The following GCFC2 variants were observed in gnomAD, a reference collection of about 807,000 sequenced individuals.
GCFC2 encodes the protein GC-rich sequence DNA-binding factor 2.
Under a neutral mutation model 99.4 loss-of-function variants are expected in GCFC2, and 102 were observed. That is an observed-to-expected ratio of 1.03 (90% confidence interval 0.87 to 1.21). The LOEUF (loss-of-function observed/expected upper bound fraction) is 1.21. Among genes scored for constraint, GCFC2 ranks in the 50% most tolerant of loss-of-function variants. The probability of loss-of-function intolerance (pLI) is 0.00; values close to 1 mark genes in which losing one functional copy is unlikely to be tolerated. For synonymous variants in GCFC2, 338 were observed against 316.8 expected, an observed-to-expected ratio of 1.07 and a Z score of -0.71; for missense variants, 973 against 920.9, an observed-to-expected ratio of 1.06 and a Z score of -0.73.
intron 2 of GCFC2, among the ~76,000 whole-genome samples, chr2:75,704,385 G>A (rs200952805): frequency 5.3e-5 from 8 of 151,982 alleles, no homozygotes; most frequent in African/African-American, 9.6e-5. Context: ...TCTTTTCTTC[G>A]CCAGCCAATA....
At position 75,694,412 on chromosome 2, in the gene GCFC2, C is replaced by T; in HGVS notation, c.849G>A (p.Gln283=). The T allele has an allele frequency of 7.2e-7, 1 of 1,384,560 alleles. No homozygotes were observed. Among genetic ancestry groups the T allele is most frequent in the South Asian group, 1.8e-5 (1 of 55,626 alleles). The allele number at this position is 1,384,560 out of a possible 1,614,324, so 85.8% of individuals were successfully genotyped here. Residue 283 remains glutamine, a synonymous_variant, in exon 6 of 17, where the codon CAG becomes CAA. Coordinates refer to ENST00000321027, the MANE Select transcript of GCFC2 (RefSeq NM_003203.5). ...CCCTCAGGTGTGAGCGGTGAGTTTC[C>T]TGTAGTAATGTTAATCTAAATAAAT... ...KQLNTRLTLL[Q]ETHRSHLREY...
Position 75,680,230 on chromosome 2 carries a change from T to C in GCFC2, c.1775A>G (p.His592Arg), listed in dbSNP as rs1216863985. ...ACTAACTTCATTTTCACAAGTGGAA[T>C]GTTCTTCAAGAATCACTCTGCAATG... Reference protein sequence around the residue: ...ITHCRVILEEHSTCENEVSKS... With the variant: ...ITHCRVILEERSTCENEVSKS... Residue 592 changes from histidine to arginine, a missense_variant, in exon 12 of 17, where the codon CAT (histidine) becomes CGT (arginine). His to Arg is a conservative substitution (Grantham distance 29). Transcript: ENST00000321027. 1.9e-6 allele frequency: 3 copies of C among 1,607,378 alleles called. No individual in the cohort carries two copies. In the Admixed American group the frequency reaches 5.0e-5, roughly 27 times the overall value.
intron 4 of GCFC2, among the ~76,000 whole-genome samples, chr2:75,700,856 C>A (rs1195129788): frequency 1.3e-5 from 2 of 152,032 alleles, no homozygotes. Flanking sequence ...TCTGAGTAGG[C>A]CCTAAACCCA....
chr2:75,666,759 G>A (rs915124517), intron 15 of GCFC2, among the ~76,000 whole-genome samples: 1 of 151,872 alleles, frequency 6.6e-6, no homozygotes, highest in Non-Finnish European at 1.5e-5. Flanking sequence ...GGTAAAGAAG[G>A]GAGGGAAAAG....
chr2:75,699,868 T>C (rs1680500050), intron 4 of GCFC2, among the ~76,000 whole-genome samples: 1 of 151,676 alleles, frequency 6.6e-6, no homozygotes, highest in Non-Finnish European at 1.5e-5. Flanking sequence ...TGAGCCACTA[T>C]GCCTGGCCAA....
Position 75,663,144 on chromosome 2 carries a change from A to G in GCFC2, c.*1522T>C, listed in dbSNP as rs1678688633. On this transcript the variant is annotated 3_prime_UTR_variant, in exon 17 of 17. Coordinates refer to ENST00000321027, the MANE Select transcript of GCFC2 (RefSeq NM_003203.5). ...AAAAAATTCTTCATACCAGTGAATCACAAGTCCTCACTGCAACAGACATAA... is the reference window on the plus strand; with the variant it reads ...AAAAAATTCTTCATACCAGTGAATCGCAAGTCCTCACTGCAACAGACATAA... The G allele has an allele frequency of 6.6e-6, 1 of 152,200 alleles. No homozygotes were observed. Among genetic ancestry groups the G allele is most frequent in the African/African-American group, 2.4e-5 (1 of 41,452 alleles). The allele number at this position is 152,200 out of a possible 1,614,324, so 9.4% of individuals were successfully genotyped here. A position where few individuals can be genotyped will look rare whatever the true frequency, so the allele number is the denominator to read the frequency against.
rs769100846 is a variant in GCFC2, at chr2:75,691,998, T to A, written c.1123A>T (p.Thr375Ser). 6.5e-7 allele frequency: 1 copy of A among 1,546,338 alleles called. No individual in the cohort carries two copies. Among genetic ancestry groups the A allele is most frequent in the Admixed American group, 1.8e-5 (1 of 55,508 alleles). Residue 375 changes from threonine (T) to serine (S), a missense_variant, in exon 7 of 17, where the codon ACG (threonine) becomes TCG (serine). Thr to Ser is a moderately conservative substitution (Grantham distance 58). Coordinates refer to ENST00000321027, the MANE Select transcript of GCFC2 (RefSeq NM_003203.5). ...TAACGTGATAACTGTTGTAAATACG[T>A]TGATTCATGTTTTAATTCATCTTGC... is the stretch of plus-strand genomic sequence containing the variant. ...RRQDELKHES[T>S]YLQQLSRKDE...
At chr2:75,682,821 C>T (rs942803030) in intron 11 of GCFC2, among the ~76,000 whole-genome samples, 30 of 151,648 alleles carry the variant, frequency 2.0e-4, no homozygotes, top group Admixed American at 5.9e-4. Flanking sequence ...ATAGCTGAAT[C>T]GATCAAGTGG....
chr2:75,701,642 T>C (rs950286745), intron 3 of GCFC2: 1 of 155,660 alleles, frequency 6.4e-6, no homozygotes, highest in South Asian at 2.0e-4. Flanking sequence ...ATCAAAGATC[T>C]CTCAATTACT....
chr2:75,705,534 G>T (rs1490866826), intron 2 of GCFC2, among the ~76,000 whole-genome samples: 1 of 116,246 alleles, frequency 8.6e-6, no homozygotes, highest in African/African-American at 2.9e-5. Flanking sequence ...GGAGAATGAC[G>T]TGAACCTGGG....
intron 1 of GCFC2, 109 bp downstream of exon 1, chr2:75,710,482 T>G (rs116220019): frequency 7.2e-7 from 1 of 1,392,398 alleles, no homozygotes; most frequent in Non-Finnish European, 9.3e-7. Context: ...TCAGCATGGC[T>G]TGTGGTCGGC....
At chr2:75,700,111 G>A (rs1680515915) in intron 4 of GCFC2, among the ~76,000 whole-genome samples, 1 of 151,950 alleles carries the variant, frequency 6.6e-6, no homozygotes, top group Non-Finnish European at 1.5e-5. Flanking sequence ...ATGTTGCCCA[G>A]GCTAGTCTTC....
chr2:75,701,259 TTC>T lies in GCFC2; in HGVS notation c.646_647del (p.Glu216LysfsTer5), dbSNP rs1458671987. ...TATCTTGCTTTTCATCTTCCTGACT[TTC>T]TTCACTTGTTTCTTCATTTCTGCTT... ...SISRNEETSE[E>X]SQEDEKQDTW... is the part of the protein sequence containing the mutation. On this transcript the variant is annotated frameshift_variant, in exon 4 of 17. Coordinates refer to ENST00000321027, the MANE Select transcript of GCFC2 (RefSeq NM_003203.5). LOFTEE classifies it high-confidence loss of function. 16 of 1,607,340 alleles carry T rather than the reference TTC, an allele frequency of 1.0e-5. No individual in the cohort carries two copies. The highest frequency in any genetic ancestry group is 1.4e-5 in the Non-Finnish European group (16 of 1,173,876).
chr2:75,676,263 A>G lies in GCFC2; in HGVS notation c.1813-2743T>C, dbSNP rs530018491. ...AAATGGTCCACCAGCCATGTCTAAA[A>G]CCATTTGCTGATAGGGGATCATTAT... On this transcript the variant is annotated intron_variant, in intron 12 of 16. Transcript: ENST00000321027. Among the ~76,000 whole-genome samples the G allele has an allele frequency of 2.0e-5, 3 of 152,284 alleles. No individual in the cohort carries two copies. In the East Asian group the frequency reaches 5.8e-4, roughly 29 times the overall value.
Position 75,696,292 on chromosome 2 carries a change from A to G in GCFC2, c.741T>C (p.Cys247=). 1 of 1,403,866 alleles carries G rather than the reference A, an allele frequency of 7.1e-7. No homozygotes were observed. The highest frequency in any genetic ancestry group is 1.0e-6 in the Non-Finnish European group (1 of 990,700). 87.0% of individuals were successfully genotyped at this position (1,403,866 alleles called of 1,614,324 possible). ...IIEERDIDLS[C]GNGSSKVKKF... is the part of the protein sequence containing the mutation. ...TCTTCACTTTTGAAGATCCATTGCC[A>G]CAGGAAAGATCTATGTCTCTTTCCT... The change falls in exon 5 of 17, where the codon TGT becomes TGC. Residue 247 remains cysteine (C), a synonymous_variant. Coordinates refer to ENST00000321027, the MANE Select transcript of GCFC2 (RefSeq NM_003203.5).
Position 75,664,788 on chromosome 2 carries a change from A to G in GCFC2, c.2229-5T>C. 7.6e-7 allele frequency: 1 copy of G among 1,310,796 alleles called. No homozygotes were observed. 81.2% of individuals were successfully genotyped at this position (1,310,796 alleles called of 1,614,324 possible). On this transcript the variant is annotated splice_region_variant and splice_polypyrimidine_tract_variant and intron_variant, in intron 16 of 16. Transcript: ENST00000321027. The stretch of plus-strand genomic sequence containing the variant: ...ATTATTTCTTCGACTTCATCCCTGA[A>G]AAACAAAACAAATTTCTCCCTTTAA...
intron 15 of GCFC2, among the ~76,000 whole-genome samples, chr2:75,666,262 ACT>A (rs1336768099): frequency 6.6e-6 from 1 of 151,942 alleles, no homozygotes; most frequent in Non-Finnish European, 1.5e-5. Flanking sequence ...AAAATACACT[ACT>A]CTCTATGAAC....
At chr2:75,688,261 A>G (rs548271487) in intron 10 of GCFC2, among the ~76,000 whole-genome samples, 1 of 152,260 alleles carries the variant, frequency 6.6e-6, no homozygotes, top group African/African-American at 2.4e-5. Flanking sequence ...ACCCTACCAC[A>G]TGGCAAGTAC....
At chr2:75,704,489 G>A (rs903887791) in intron 2 of GCFC2, among the ~76,000 whole-genome samples, 1 of 152,196 alleles carries the variant, frequency 6.6e-6, no homozygotes, top group Non-Finnish European at 1.5e-5. Context: ...AATTCACTGC[G>A]CTGAACTGTT....
Sources: gnomAD v4.1 joint callset for allele counts (sites outside exome capture counted in the v4.1 genomes callset) on GRCh38, gnomAD v4.1.1 for gene constraint, MANE v1.5 for transcripts, NCBI Gene and HGNC (gene_info 2026-07-23, HGNC 2026-07-21) for gene names.